TP63: variants seen among roughly 807,000 people sequenced by gnomAD.
The protein encoded by TP63 is tumor protein p63.
In TP63, 17 loss-of-function variants were observed where a neutral mutation model predicts 82.8. The ratio of observed to expected loss-of-function variants is 0.21; its 90% CI spans 0.14 to 0.31. TP63 has a LOEUF of 0.31. TP63 is among the 10% of genes least tolerant of loss of function. The pLI, the probability that TP63 is intolerant of heterozygous loss-of-function variation, is 1.00. For synonymous variants in TP63, 330 were observed against 321.7 expected, an observed-to-expected ratio of 1.03 and a Z score of -0.28; for missense variants, 648 against 895.3, an observed-to-expected ratio of 0.72 and a Z score of 3.52.
intron 4 of TP63, among the ~76,000 whole-genome samples, chr3:189,863,874 A>G (rs1717359377): frequency 6.6e-6 from 1 of 151,974 alleles, no homozygotes; most frequent in African/African-American, 2.4e-5. Flanking sequence ...ACATGCCAAT[A>G]CTCTTCTTTC....
chr3:189,622,324 A>G, the TP63 span, among the ~76,000 whole-genome samples: 1 of 152,220 alleles, frequency 6.6e-6, no homozygotes, highest in Non-Finnish European at 1.5e-5. Flanking sequence ...GCACAAATGT[A>G]TTATGAATCT....
the TP63 span, among the ~76,000 whole-genome samples, chr3:189,623,278 A>C: frequency 2.0e-5 from 3 of 152,218 alleles, no homozygotes; most frequent in African/African-American, 7.2e-5. Context: ...AGAGAGGTTC[A>C]GCAACAGCTG....
At chr3:189,780,684 C>A (rs553995844) in intron 3 of TP63, among the ~76,000 whole-genome samples, 17 of 152,164 alleles carry the variant, frequency 1.1e-4, no homozygotes, top group Non-Finnish European at 2.1e-4. Flanking sequence ...GGTGCTTTTT[C>A]TCCCATGGCT....
chr3:189,781,066 C>T lies in TP63; in HGVS notation c.325-27206C>T, dbSNP rs796729097. ...CAGGCCCAGAAAGGACTTTAGAAAT[C>T]CCACAGGATTTGGCCAACTCTTTGT... On this transcript the variant is annotated intron_variant, in intron 3 of 13. Coordinates refer to ENST00000264731, the MANE Select transcript of TP63 (RefSeq NM_003722.5). Among the ~76,000 whole-genome samples the T allele has an allele frequency of 1.4e-3, 214 of 152,160 alleles. 2 individuals are homozygous for T. The highest frequency in any genetic ancestry group is 4.9e-3 in the African/African-American group (203 of 41,508).
chr3:189,713,917 T>A (rs142369037), intron 1 of TP63, among the ~76,000 whole-genome samples: 1 of 152,256 alleles, frequency 6.6e-6, no homozygotes, highest in African/African-American at 2.4e-5. Flanking sequence ...AAATATATGA[T>A]CAAGTGAAAA....
intron 1 of TP63, among the ~76,000 whole-genome samples, chr3:189,646,066 A>G (rs779683983): frequency 5.4e-5 from 8 of 147,526 alleles, no homozygotes; most frequent in Non-Finnish European, 1.0e-4. Flanking sequence ...TTTGAGAAGC[A>G]TGGATCTAAT....
intron 4 of TP63, among the ~76,000 whole-genome samples, chr3:189,811,381 A>G (rs1727553113): frequency 6.6e-6 from 1 of 152,150 alleles, no homozygotes; most frequent in Non-Finnish European, 1.5e-5. Context: ...TCTGCATTCT[A>G]CCTATAAATT....
At chr3:189,671,607 A>G (rs536958360) in intron 1 of TP63, among the ~76,000 whole-genome samples, 1 of 152,180 alleles carries the variant, frequency 6.6e-6, no homozygotes, top group African/African-American at 2.4e-5. Context: ...TTGCAGATCT[A>G]TTTAAAATAG....
chr3:189,790,291 T>G (rs59307720), intron 3 of TP63, among the ~76,000 whole-genome samples: 25,251 of 151,882 alleles, frequency 0.17, 2,481 homozygotes, highest in African/African-American at 0.28. Context: ...TTTTTCAAAA[T>G]AATCAGGTGA....
chr3:189,871,725 G>A (rs1718440179), intron 9 of TP63, among the ~76,000 whole-genome samples: 1 of 152,022 alleles, frequency 6.6e-6, no homozygotes, highest in African/African-American at 2.4e-5. Context: ...CGTTTTTTTG[G>A]TTTTTGTTTG....
chr3:189,642,831 A>G (rs2108621240), intron 1 of TP63, among the ~76,000 whole-genome samples: 1 of 152,076 alleles, frequency 6.6e-6, no homozygotes, highest in African/African-American at 2.4e-5. Flanking sequence ...AGTAAATTCT[A>G]TATAGAAATG....
chr3:189,615,421 A>G, the TP63 span, among the ~76,000 whole-genome samples: 1 of 152,130 alleles, frequency 6.6e-6, no homozygotes, highest in African/African-American at 2.4e-5. Flanking sequence ...TCTCCCTCTC[A>G]TTATTTATAA....
At chr3:189,673,088 T>C (rs1401688388) in intron 1 of TP63, among the ~76,000 whole-genome samples, 1 of 145,276 alleles carries the variant, frequency 6.9e-6, no homozygotes, top group African/African-American at 2.9e-5. Flanking sequence ...TGATCCACCC[T>C]CCTCAGCCTC....
At chr3:189,602,827 A>C in the TP63 span, among the ~76,000 whole-genome samples, 1 of 152,126 alleles carries the variant, frequency 6.6e-6, no homozygotes, top group East Asian at 1.9e-4. Context: ...CTCTATTTTA[A>C]AATAGAGGCA....
At chr3:189,686,681 T>A (rs1410514363) in intron 1 of TP63, among the ~76,000 whole-genome samples, 3 of 116,334 alleles carry the variant, frequency 2.6e-5, no homozygotes, top group African/African-American at 1.0e-4. Flanking sequence ...ATACCACCAG[T>A]AAAATAATTC....
Position 189,692,479 on chromosome 3 carries a change from T to A in TP63, c.63-45261T>A, listed in dbSNP as rs187906840. Among the ~76,000 whole-genome samples the A allele has an allele frequency of 2.7e-4, 41 of 152,168 alleles. No homozygotes were observed. The South Asian group carries it at 3.7e-3, about 14-fold the overall frequency. On this transcript the variant is annotated intron_variant, in intron 1 of 13. Coordinates refer to ENST00000264731, the MANE Select transcript of TP63 (RefSeq NM_003722.5). ...ACTTTTATTTACTATGTGTTACACC[T>A]CATTACAAAAGGAATGTGGCATAAC...
At chr3:189,638,954 A>T (rs527597509) in intron 1 of TP63, among the ~76,000 whole-genome samples, 1 of 152,280 alleles carries the variant, frequency 6.6e-6, no homozygotes, top group East Asian at 1.9e-4. Context: ...GTAACTAGAG[A>T]TAATGAAAAA....
At chr3:189,624,114 T>C in the TP63 span, among the ~76,000 whole-genome samples, 18 of 152,314 alleles carry the variant, frequency 1.2e-4, no homozygotes, top group African/African-American at 3.8e-4. Flanking sequence ...CTCATATACC[T>C]ACATATGTTT....
chr3:189,850,093 C>T (rs2056125), intron 4 of TP63, among the ~76,000 whole-genome samples: 43,429 of 151,970 alleles, frequency 0.29, 6,621 homozygotes, highest in Admixed American at 0.41. Flanking sequence ...ACCAGCCTGA[C>T]CAACATGGCA....
Sources: allele counts gnomAD v4.1 joint callset (sites outside exome capture counted in the v4.1 genomes callset), GRCh38; gene constraint gnomAD v4.1.1; transcripts MANE v1.5; gene names NCBI Gene and HGNC (gene_info 2026-07-23, HGNC 2026-07-21).